The following RANBP3 variants were observed in gnomAD, a reference collection of about 807,000 sequenced individuals.
RANBP3 encodes ran-binding protein 3.
Under a neutral mutation model 77.3 loss-of-function variants are expected in RANBP3, and 14 were observed. That is an observed-to-expected ratio of 0.18 (90% CI 0.12 to 0.28). The LOEUF (loss-of-function observed/expected upper bound fraction) is 0.28. RANBP3 is among the 10% of genes least tolerant of loss of function. The probability of loss-of-function intolerance (pLI) is 1.00; values close to 1 mark genes in which losing one functional copy is unlikely to be tolerated. For synonymous variants in RANBP3, 315 were observed against 312.4 expected (o/e 1.01, Z -0.09); for missense variants, 586 against 752.3 (o/e 0.78, Z 2.59).
intron 10 of RANBP3, chr19:5,925,334 C>T (rs1372312047): frequency 9.5e-6 from 5 of 524,996 alleles, no homozygotes; most frequent in African/African-American, 1.9e-5. Flanking sequence ...CTGCTCTGGG[C>T]ATGAGGTCCA....
At chr19:5,945,704 T>C (rs2058195332) in intron 3 of RANBP3, among the ~76,000 whole-genome samples, 1 of 152,108 alleles carries the variant, frequency 6.6e-6, no homozygotes, top group African/African-American at 2.4e-5. Flanking sequence ...TTGCTTTGCG[T>C]ATTTTGGGGG....
At chr19:5,966,469 G>A (rs1446415326) in intron 1 of RANBP3, among the ~76,000 whole-genome samples, 1 of 152,242 alleles carries the variant, frequency 6.6e-6, no homozygotes, top group East Asian at 1.9e-4. Context: ...GCCCTGGAAT[G>A]CTTTGCGTAA....
intron 1 of RANBP3, among the ~76,000 whole-genome samples, chr19:5,970,446 C>T (rs1171768449): frequency 1.3e-5 from 2 of 152,062 alleles, no homozygotes; most frequent in Admixed American, 1.3e-4. Flanking sequence ...TCAATGAAAT[C>T]CCATAACCCA....
intron 3 of RANBP3, among the ~76,000 whole-genome samples, chr19:5,943,154 C>T (rs1336726169): frequency 2.0e-5 from 3 of 152,312 alleles, no homozygotes; most frequent in African/African-American, 2.4e-5. Context: ...CCTCCTGGCG[C>T]GCTCCCTGCA....
At chr19:5,929,855 C>A (rs1322122308) in intron 8 of RANBP3, among the ~76,000 whole-genome samples, 2 of 152,252 alleles carry the variant, frequency 1.3e-5, no homozygotes, top group African/African-American at 4.8e-5. Flanking sequence ...CATGGCTCCA[C>A]CCCAGACCCA....
At chr19:5,939,929 T>G (rs984471937) in intron 5 of RANBP3, among the ~76,000 whole-genome samples, 1 of 152,224 alleles carries the variant, frequency 6.6e-6, no homozygotes, top group African/African-American at 2.4e-5. Flanking sequence ...CCCTGACTCC[T>G]CCTCACCTGT....
intron 14 of RANBP3, among the ~76,000 whole-genome samples, chr19:5,919,109 CCCCTGAGTGGGCCAG>C (rs1220299224): frequency 6.6e-6 from 1 of 152,062 alleles, no homozygotes; most frequent in Non-Finnish European, 1.5e-5. Flanking sequence ...TGACTGGCCT[CCCCTGAGTGGGCCAG>C]CCCTGCCCTC....
intron 9 of RANBP3, among the ~76,000 whole-genome samples, chr19:5,927,379 T>TA (rs1166248233): frequency 5.3e-5 from 8 of 151,244 alleles, no homozygotes; most frequent in Non-Finnish European, 7.4e-5. Context: ...CTGCCCCACT[T>TA]AAAAAAAAAT....
intron 13 of RANBP3, 34 bp downstream of exon 13, chr19:5,923,160 A>G: frequency 6.3e-7 from 1 of 1,577,016 alleles, no homozygotes; most frequent in South Asian, 1.1e-5. Context: ...TGCATGGAAG[A>G]CCCAGGGCCA....
rs1024737414 is a variant in RANBP3, at chr19:5,958,498, T to C, written c.23-525A>G. ...GGTTGGGAGGAAAGGATGTCTGGAG[T>C]TGCTAGAGGCCTGAGAGTCCATCTT... On this transcript the variant is annotated intron_variant, in intron 1 of 16. Transcript: ENST00000340578. This position sits in a 1 kb window ranked among gnomAD's most constrained non-coding sequence, Gnocchi z 4.4. Among the ~76,000 whole-genome samples the C allele has an allele frequency of 6.6e-6, 1 of 151,988 alleles. No individual in the cohort carries two copies. The highest frequency in any genetic ancestry group is 2.4e-5 in the African/African-American group (1 of 41,364).
At chr19:5,933,358 G>C (rs1310980789) in intron 6 of RANBP3, 56 bp downstream of exon 6, 1 of 1,457,154 alleles carries the variant, frequency 6.9e-7, no homozygotes, top group Non-Finnish European at 9.4e-7. Context: ...TGGCCTAGCA[G>C]AGGTCTGAAA....
At chr19:5,918,065 G>C in intron 15 of RANBP3, 85 bp from the exon 16 acceptor site, 1 of 1,415,684 alleles carries the variant, frequency 7.1e-7, no homozygotes, top group Non-Finnish European at 9.5e-7. Context: ...CAAGTCCCAA[G>C]GTTCAGAGGT....
chr19:5,977,303 G>C (rs1159511513), intron 1 of RANBP3, among the ~76,000 whole-genome samples: 2 of 152,092 alleles, frequency 1.3e-5, no homozygotes, highest in Non-Finnish European at 2.9e-5. Context: ...GTGCCTTCTC[G>C]GGGGATCTGG....
rs2057883248 is a variant in RANBP3 at position 5,924,999 on chromosome 19, G to C, written c.918-94C>G. 1.7e-6 allele frequency: 2 copies of C among 1,190,412 alleles called. No individual in the cohort carries two copies. The highest frequency in any genetic ancestry group is 3.0e-5 in the African/African-American group (2 of 66,184). The allele number at this position is 1,190,412 out of a possible 1,614,324, so 73.7% of individuals were successfully genotyped here. A position where few individuals can be genotyped will look rare whatever the true frequency, so the allele number is the denominator to read the frequency against. On this transcript the variant is annotated intron_variant, in intron 10 of 16. Transcript: ENST00000340578. The surrounding 1 kb of genome is among the most constrained non-coding windows in gnomAD (Gnocchi z 4.7). ...CCATGGAGCACACACTGACACAGAG[G>C]GCACAGTGGAGGGGCCTCCGCCACT...
At position 5,941,588 on chromosome 19, in the gene RANBP3, G is replaced by A. The variant is rs373659346; in HGVS notation, c.406+33C>T. The A allele has an allele frequency of 1.7e-4, 273 of 1,560,242 alleles. No individual in the cohort carries two copies. The African/African-American group carries it at 2.5e-3, about 14-fold the overall frequency. ...GAATGGCGGGTTTGTAAGCATAAAC[G>A]CTTTCACCATTCCGTAAGTTTGCAT... On this transcript the variant is annotated intron_variant, in intron 5 of 16. Coordinates refer to ENST00000340578, the MANE Select transcript of RANBP3 (RefSeq NM_007322.3).
At chr19:5,965,528 G>A (rs2058457217) in intron 1 of RANBP3, among the ~76,000 whole-genome samples, 1 of 152,302 alleles carries the variant, frequency 6.6e-6, no homozygotes, top group African/African-American at 2.4e-5. Flanking sequence ...CAGCAAGGAG[G>A]GGAGAGGGTG....
intron 1 of RANBP3, among the ~76,000 whole-genome samples, chr19:5,972,952 T>G (rs1599807259): frequency 6.6e-6 from 1 of 152,294 alleles, no homozygotes; most frequent in Middle Eastern, 3.4e-3. Context: ...TGAAACATTT[T>G]GCAGAAGCCC....
chr19:5,964,984 A>G (rs1402510380), intron 1 of RANBP3, among the ~76,000 whole-genome samples: 1 of 152,044 alleles, frequency 6.6e-6, no homozygotes, highest in African/African-American at 2.4e-5. Flanking sequence ...AGCAGTTCCT[A>G]TGACAGCTTT....
intron 1 of RANBP3, among the ~76,000 whole-genome samples, chr19:5,973,440 G>A (rs1489086411): frequency 3.3e-5 from 5 of 152,192 alleles, no homozygotes; most frequent in African/African-American, 1.2e-4. Context: ...AGGGGGATGT[G>A]CTATTAGCAT....
Sources: allele counts gnomAD v4.1 joint callset (sites outside exome capture counted in the v4.1 genomes callset), GRCh38; gene constraint gnomAD v4.1.1; non-coding constraint Gnocchi (gnomAD v3.1); transcripts MANE v1.5; gene names NCBI Gene and HGNC (gene_info 2026-07-23, HGNC 2026-07-21).